The following DSCAM variants were observed in gnomAD, a reference collection of about 807,000 sequenced individuals.
DSCAM encodes the protein DS cell adhesion molecule, also known as cell adhesion molecule DSCAM.
DSCAM carries 47 observed loss-of-function variants against 217.7 expected under a neutral mutation model. That is an observed-to-expected ratio of 0.22 (90% CI 0.17 to 0.28). DSCAM has a LOEUF of 0.28. Among genes scored for constraint, DSCAM ranks in the 10% least tolerant of loss-of-function variants. The probability of loss-of-function intolerance (pLI) is 1.00; values close to 1 mark genes in which losing one functional copy is unlikely to be tolerated. For synonymous variants in DSCAM, 1,056 were observed against 1,015.3 expected (o/e 1.04, Z -0.76); for missense variants, 2,080 against 2,618.3 (o/e 0.79, Z 4.49).
chr21:40,705,359 G>C (rs923145767), intron 2 of DSCAM, among the ~76,000 whole-genome samples: 1 of 152,132 alleles, frequency 6.6e-6, no homozygotes, highest in African/African-American at 2.4e-5. Flanking sequence ...TACTGCCTGA[G>C]GTCCAGTCTT....
chr21:40,779,035 A>T (rs1443361059), intron 1 of DSCAM, among the ~76,000 whole-genome samples: 5 of 139,572 alleles, frequency 3.6e-5, no homozygotes. Context: ...AAAAACAGAA[A>T]AAAAAAAAAA....
At chr21:40,814,691 C>G (rs143057713) in intron 1 of DSCAM, among the ~76,000 whole-genome samples, 109 of 152,204 alleles carry the variant, frequency 7.2e-4, no homozygotes, top group African/African-American at 2.4e-3. Flanking sequence ...GAGACGTTGA[C>G]CTGCAGATGT....
intron 10 of DSCAM, among the ~76,000 whole-genome samples, chr21:40,280,142 A>C (rs1304345350): frequency 4.0e-5 from 6 of 149,822 alleles, no homozygotes; most frequent in African/African-American, 9.9e-5. Context: ...TAAAAAAAAA[A>C]CCTTAATTCA....
At chr21:40,166,872 A>C (rs1272931029) in intron 16 of DSCAM, among the ~76,000 whole-genome samples, 1 of 152,122 alleles carries the variant, frequency 6.6e-6, no homozygotes, top group African/African-American at 2.4e-5. Context: ...TTGCCATTTA[A>C]AAAAAGCAAT....
chr21:40,654,399 C>T (rs1344678219), intron 3 of DSCAM, among the ~76,000 whole-genome samples: 1 of 152,188 alleles, frequency 6.6e-6, no homozygotes. Flanking sequence ...GCACATGGCA[C>T]ATGTGAAGCA....
rs143844806 is a variant in DSCAM at position 40,833,798 on chromosome 21, G to A, written c.43+12821C>T. Among the ~76,000 whole-genome samples, 108 of 152,224 alleles carry A rather than the reference G, an allele frequency of 7.1e-4. No individual in the cohort carries two copies. The Middle Eastern group carries it at 0.01, about 14-fold the overall frequency. The stretch of plus-strand genomic sequence containing the variant: ...GGAAAAAACGCAGTACTGATGTTAC[G>A]GTAACTAGACTCTGAGCTATTTAAG... On this transcript the variant is annotated intron_variant, in intron 1 of 32. Coordinates refer to ENST00000400454, the MANE Select transcript of DSCAM (RefSeq NM_001389.5).
Position 40,078,737 on chromosome 21 carries a change from G to A in DSCAM, c.4661C>T (p.Ala1554Val), listed in dbSNP as rs1474691893. The stretch of plus-strand genomic sequence containing the variant: ...GTTGGCCTGCTTCTCCGCGCAGCCC[G>A]CACTGTTGCACACCCGCATCTGCAG... ...YELQMRVCNS[A>V]GCAEKQANFA... Residue 1554 changes from alanine (A) to valine (V), a missense_variant, in exon 26 of 33, where the codon GCG becomes GTG. By Grantham distance (64) the Ala-to-Val change is moderately conservative (BLOSUM62 0). Transcript: ENST00000400454. 1.2e-6 allele frequency: 2 copies of A among 1,614,088 alleles called. No individual in the cohort carries two copies. Among genetic ancestry groups the A allele is most frequent in the East Asian group, 2.2e-5 (1 of 44,886 alleles).
intron 11 of DSCAM, among the ~76,000 whole-genome samples, chr21:40,240,349 G>GTTTTT (rs749073872): frequency 0.21 from 11,952 of 57,442 alleles, 2,489 homozygotes; most frequent in Non-Finnish European, 0.24. Context: ...TTCCTCACTG[G>GTTTTT]TTTTTTTTTT....
chr21:40,103,568 G>A (rs2089781018), intron 20 of DSCAM, among the ~76,000 whole-genome samples: 1 of 152,002 alleles, frequency 6.6e-6, no homozygotes, highest in Admixed American at 6.6e-5. Flanking sequence ...TGTCATGGCA[G>A]AAAGATCTTC....
chr21:40,165,276 G>C (rs1188754425), intron 16 of DSCAM, among the ~76,000 whole-genome samples: 1 of 152,126 alleles, frequency 6.6e-6, no homozygotes, highest in Non-Finnish European at 1.5e-5. Flanking sequence ...TTAAGATTTC[G>C]TGTAATAGTG....
intron 2 of DSCAM, among the ~76,000 whole-genome samples, chr21:40,699,333 C>T (rs930361861): frequency 6.6e-6 from 1 of 152,074 alleles, no homozygotes; most frequent in African/African-American, 2.4e-5. Context: ...TTTTTTGAGA[C>T]ACAACAATAC....
At chr21:40,726,528 T>C (rs758274778) in intron 1 of DSCAM, among the ~76,000 whole-genome samples, 3 of 147,238 alleles carry the variant, frequency 2.0e-5, no homozygotes, top group Admixed American at 6.7e-5. Context: ...GGTCTGAACA[T>C]AGAAGAGTCA....
intron 3 of DSCAM, among the ~76,000 whole-genome samples, chr21:40,388,347 G>A (rs1288021781): frequency 6.6e-6 from 1 of 152,148 alleles, no homozygotes; most frequent in African/African-American, 2.4e-5. Flanking sequence ...TAGAACACTG[G>A]AAGACAATTG....
intron 14 of DSCAM, among the ~76,000 whole-genome samples, chr21:40,183,268 G>A (rs191625462): frequency 3.7e-4 from 56 of 152,316 alleles, no homozygotes; most frequent in South Asian, 6.2e-4. Context: ...CAATATGCTC[G>A]AAGGGATGTT....
intron 3 of DSCAM, among the ~76,000 whole-genome samples, chr21:40,415,189 G>T (rs1055933895): frequency 6.6e-6 from 1 of 152,058 alleles, no homozygotes; most frequent in African/African-American, 2.4e-5. Flanking sequence ...TTCTAACAAA[G>T]CTCTGTATTT....
At chr21:40,188,067 T>G in intron 12 of DSCAM, 80 bp from the exon 13 acceptor site, 1 of 1,035,202 alleles carries the variant, frequency 9.7e-7, no homozygotes, top group Non-Finnish European at 1.4e-6. Flanking sequence ...CTCTCCACTC[T>G]TTCAGTTCTC....
intron 11 of DSCAM, among the ~76,000 whole-genome samples, chr21:40,251,215 A>G (rs987233803): frequency 1.3e-5 from 2 of 152,270 alleles, no homozygotes; most frequent in African/African-American, 4.8e-5. Context: ...GCAGACCACT[A>G]AAAGGCACAT....
At chr21:40,668,501 C>T (rs2090230161) in intron 3 of DSCAM, among the ~76,000 whole-genome samples, 1 of 152,160 alleles carries the variant, frequency 6.6e-6, no homozygotes, top group African/African-American at 2.4e-5. Flanking sequence ...AATGAACAAC[C>T]AGGGCTAAGA....
intron 3 of DSCAM, among the ~76,000 whole-genome samples, chr21:40,551,665 T>C (rs1193763048): frequency 6.6e-6 from 1 of 152,228 alleles, no homozygotes; most frequent in African/African-American, 2.4e-5. Context: ...CAAGGAAAGA[T>C]ATTTTGGGGT....
Sources: allele counts gnomAD v4.1 joint callset (sites outside exome capture counted in the v4.1 genomes callset), GRCh38; gene constraint gnomAD v4.1.1; transcripts MANE v1.5; gene names NCBI Gene and HGNC (gene_info 2026-07-23, HGNC 2026-07-21).